PRKG1: variants seen among roughly 807,000 people sequenced by gnomAD.
PRKG1 encodes the protein protein kinase cGMP-dependent 1, also known as cGMP-dependent protein kinase 1.
PRKG1 carries 35 observed loss-of-function variants against 88.1 expected under a neutral mutation model. The observed-to-expected ratio is 0.40, with a 90% confidence interval of 0.30 to 0.53. PRKG1 has a LOEUF of 0.53. Ranked by LOEUF, PRKG1 falls within the 20% of genes least tolerant of loss-of-function variation. The pLI, the probability that PRKG1 is intolerant of heterozygous loss-of-function variation, is 0.59. For synonymous variants in PRKG1, 303 were observed against 292.5 expected (o/e 1.04, Z -0.37); for missense variants, 540 against 839.8 (o/e 0.64, Z 4.41).
chr10:52,016,103 T>C (rs1043218667), intron 5 of PRKG1, among the ~76,000 whole-genome samples: 4 of 152,240 alleles, frequency 2.6e-5, no homozygotes, highest in African/African-American at 9.6e-5. Context: ...TTCACATTTT[T>C]AGGCATCTTT....
intron 5 of PRKG1, among the ~76,000 whole-genome samples, chr10:51,988,190 T>C (rs1844212489): frequency 6.6e-6 from 1 of 152,102 alleles, no homozygotes; most frequent in Non-Finnish European, 1.5e-5. Context: ...TTGTTTGGTA[T>C]GTACTAAAAA....
At chr10:52,081,404 A>G (rs768125951) in intron 7 of PRKG1, among the ~76,000 whole-genome samples, 7 of 152,178 alleles carry the variant, frequency 4.6e-5, no homozygotes, top group Non-Finnish European at 7.3e-5. Flanking sequence ...TAAAACACCC[A>G]TCAACATTAT....
chr10:52,267,254 A>G (rs2339986), intron 10 of PRKG1, among the ~76,000 whole-genome samples: 4,520 of 152,030 alleles, frequency 0.03, 293 homozygotes, highest in East Asian at 0.23. Context: ...AGTTTACTTT[A>G]AAAAAAATTT....
At chr10:52,074,875 T>C (rs901322224) in intron 7 of PRKG1, among the ~76,000 whole-genome samples, 5 of 152,172 alleles carry the variant, frequency 3.3e-5, no homozygotes, top group African/African-American at 1.2e-4. Flanking sequence ...CTGTATCGCA[T>C]AAAAGGAGCA....
chr10:51,223,279 T>C (rs1366606276), intron 2 of PRKG1, among the ~76,000 whole-genome samples: 1 of 152,070 alleles, frequency 6.6e-6, no homozygotes, highest in Non-Finnish European at 1.5e-5. Flanking sequence ...TTTATAGTTA[T>C]AAAAAAGTTC....
At chr10:51,547,048 TG>T (rs11285452) in intron 3 of PRKG1, among the ~76,000 whole-genome samples, 123,163 of 151,926 alleles carry the variant, frequency 0.81, 50,506 homozygotes, top group East Asian at 0.98. Context: ...ATGTAGGTGT[TG>T]GCCTCTACCA....
intron 5 of PRKG1, among the ~76,000 whole-genome samples, chr10:51,923,956 G>A (rs559218643): frequency 6.6e-6 from 1 of 151,956 alleles, no homozygotes; most frequent in East Asian, 1.9e-4. Context: ...GGTCTCTTGA[G>A]TAGCTGGACC....
At chr10:52,125,251 A>G (rs1847905543) in intron 7 of PRKG1, among the ~76,000 whole-genome samples, 1 of 152,092 alleles carries the variant, frequency 6.6e-6, no homozygotes, top group Non-Finnish European at 1.5e-5. Flanking sequence ...CATTAGAATC[A>G]TGGGACTATT....
chr10:52,057,551 C>T (rs528143292), intron 6 of PRKG1, among the ~76,000 whole-genome samples: 5 of 152,188 alleles, frequency 3.3e-5, no homozygotes, highest in African/African-American at 9.6e-5. Flanking sequence ...TAAATCAAAC[C>T]AAAATTGAAC....
intron 9 of PRKG1, among the ~76,000 whole-genome samples, chr10:52,194,308 A>C (rs567435731): frequency 1.9e-4 from 29 of 152,258 alleles, no homozygotes; most frequent in Non-Finnish European, 2.9e-4. Context: ...GCTCCTAATA[A>C]AAAACAACCC....
At chr10:52,052,659 A>G (rs182394598) in intron 5 of PRKG1, among the ~76,000 whole-genome samples, 101 of 152,284 alleles carry the variant, frequency 6.6e-4, no homozygotes, top group African/African-American at 2.3e-3. Context: ...ACAAGACACA[A>G]TGAGAGCCAA....
At chr10:51,615,709 C>T (rs942777519) in intron 3 of PRKG1, among the ~76,000 whole-genome samples, 1 of 150,004 alleles carries the variant, frequency 6.7e-6, no homozygotes, top group African/African-American at 2.4e-5. Flanking sequence ...TTATTCATAT[C>T]CTAAATTGTT....
At chr10:51,313,242 T>A (rs1473492679) in intron 2 of PRKG1, among the ~76,000 whole-genome samples, 1 of 152,192 alleles carries the variant, frequency 6.6e-6, no homozygotes, top group African/African-American at 2.4e-5. Flanking sequence ...CCTGAAAATC[T>A]GTGTCAGATT....
chr10:51,986,427 A>G (rs1844159357), intron 5 of PRKG1, among the ~76,000 whole-genome samples: 2 of 152,340 alleles, frequency 1.3e-5, no homozygotes. Context: ...TCCAAGTTCA[A>G]GTGAAGGAAA....
intron 3 of PRKG1, among the ~76,000 whole-genome samples, chr10:51,479,693 A>T (rs1840300680): frequency 6.6e-6 from 1 of 152,038 alleles, no homozygotes; most frequent in African/African-American, 2.4e-5. Context: ...CTTTGTATTG[A>T]TGTTTCATGA....
chr10:51,983,205 C>T (rs1844060057), intron 5 of PRKG1, among the ~76,000 whole-genome samples: 1 of 152,064 alleles, frequency 6.6e-6, no homozygotes, highest in South Asian at 2.1e-4. Flanking sequence ...GCTTTGACTA[C>T]AATGGTGGTC....
At chr10:51,362,915 T>C (rs1842514134) in intron 2 of PRKG1, among the ~76,000 whole-genome samples, 1 of 151,820 alleles carries the variant, frequency 6.6e-6, no homozygotes, top group African/African-American at 2.4e-5. Context: ...TGCTGAGCCT[T>C]CTTTTAAGGC....
At chr10:51,497,896 T>A (rs1840907336) in intron 3 of PRKG1, among the ~76,000 whole-genome samples, 1 of 152,152 alleles carries the variant, frequency 6.6e-6, no homozygotes, top group Non-Finnish European at 1.5e-5. Context: ...CTAGGCATGG[T>A]TCCATCTGGA....
chr10:51,882,525 T>C (rs1243493242), intron 4 of PRKG1, among the ~76,000 whole-genome samples: 2 of 152,196 alleles, frequency 1.3e-5, no homozygotes, highest in Non-Finnish European at 2.9e-5. Flanking sequence ...TTAACTCTAT[T>C]AGAGTTACTG....
Sources: allele counts gnomAD v4.1 joint callset (sites outside exome capture counted in the v4.1 genomes callset), GRCh38; gene constraint gnomAD v4.1.1; transcripts MANE v1.5; gene names NCBI Gene and HGNC (gene_info 2026-07-23, HGNC 2026-07-21).